The following SHISA6 variants were observed in gnomAD, a reference collection of about 807,000 sequenced individuals.
The protein encoded by SHISA6 is shisa family member 6.
SHISA6 carries 22 observed loss-of-function variants against 47.9 expected under a neutral mutation model. That is an observed-to-expected ratio of 0.46 (90% CI 0.33 to 0.66). SHISA6 has a LOEUF of 0.66. Among genes scored for constraint, SHISA6 ranks in the 30% least tolerant of loss-of-function variants. SHISA6 has a pLI of 0.02. For missense variants in SHISA6, 680 were observed against 764.6 expected (o/e 0.89, Z 1.30); for synonymous variants, 388 against 337.8 (o/e 1.15, Z -1.63).
intron 2 of SHISA6, among the ~76,000 whole-genome samples, chr17:11,356,575 TGGA>T (rs1430338705): frequency 1.3e-5 from 2 of 152,098 alleles, no homozygotes; most frequent in African/African-American, 4.8e-5. Flanking sequence ...CTGACAGCTG[TGGA>T]GGAGTCACAC....
At chr17:11,388,641 C>T (rs557536548) in intron 3 of SHISA6, among the ~76,000 whole-genome samples, 8 of 151,422 alleles carry the variant, frequency 5.3e-5, no homozygotes, top group African/African-American at 1.5e-4. Flanking sequence ...GGAAAATCTG[C>T]GGCATCGGTG....
At chr17:11,251,309 G>C (rs544616056) in intron 1 of SHISA6, among the ~76,000 whole-genome samples, 1 of 152,184 alleles carries the variant, frequency 6.6e-6, no homozygotes, top group South Asian at 2.1e-4. Context: ...CAGGCAGCAA[G>C]ATCCTCAGGG....
intron 3 of SHISA6, among the ~76,000 whole-genome samples, chr17:11,418,428 A>AT (rs1470536280): frequency 6.6e-6 from 1 of 151,362 alleles, no homozygotes; most frequent in East Asian, 1.9e-4. Flanking sequence ...CTTTTTTGTT[A>AT]TTTTTTTCCT....
Position 11,480,753 on chromosome 17 carries a change from G to C in SHISA6, c.896-71143G>C, listed in dbSNP as rs149504072. On this transcript the variant is annotated intron_variant, in intron 3 of 5. Coordinates refer to ENST00000441885, the MANE Select transcript of SHISA6 (RefSeq NM_207386.4). Reference sequence around the variant, plus strand: ...CCTGAGCTCTGTGATGATTAAGCTAGTTGTGTGTAAACTTACACCAACTTA... The same window carrying C: ...CCTGAGCTCTGTGATGATTAAGCTACTTGTGTGTAAACTTACACCAACTTA... 7.6e-3 allele frequency among the ~76,000 whole-genome samples: 1,153 copies of C among 152,310 alleles called. 12 individuals are homozygous for C. Among genetic ancestry groups the C allele is most frequent in the African/African-American group, 0.026 (1,093 of 41,566 alleles).
At chr17:11,479,237 TA>T (rs914982474) in intron 3 of SHISA6, among the ~76,000 whole-genome samples, 2 of 151,570 alleles carry the variant, frequency 1.3e-5, no homozygotes, top group South Asian at 2.1e-4. Flanking sequence ...GACTCCTTCT[TA>T]AAAAAAATAA....
chr17:11,310,279 T>C (rs1910272830), intron 2 of SHISA6, among the ~76,000 whole-genome samples: 1 of 152,216 alleles, frequency 6.6e-6, no homozygotes, highest in Non-Finnish European at 1.5e-5. Flanking sequence ...TCTGTTTACA[T>C]ATGTGTCATA....
intron 2 of SHISA6, among the ~76,000 whole-genome samples, chr17:11,337,117 G>A (rs999493253): frequency 1.3e-5 from 2 of 152,164 alleles, no homozygotes; most frequent in Admixed American, 6.5e-5. Flanking sequence ...AGTGTAGAAT[G>A]TGCCTTATTT....
chr17:11,323,497 A>T (rs963637870), intron 2 of SHISA6, among the ~76,000 whole-genome samples: 2 of 151,966 alleles, frequency 1.3e-5, no homozygotes, highest in Non-Finnish European at 2.9e-5. Flanking sequence ...TCTACTAAAA[A>T]TACAAAATTA....
intron 2 of SHISA6, among the ~76,000 whole-genome samples, chr17:11,305,466 G>A (rs1268211301): frequency 6.6e-6 from 1 of 152,200 alleles, no homozygotes; most frequent in Admixed American, 6.5e-5. Flanking sequence ...GCGGGAGAAG[G>A]GCCCGAGTTC....
At chr17:11,246,716 C>T (rs1907607670) in intron 1 of SHISA6, among the ~76,000 whole-genome samples, 1 of 152,188 alleles carries the variant, frequency 6.6e-6, no homozygotes, top group Non-Finnish European at 1.5e-5. Context: ...TGTCCTGACT[C>T]TTGCAGACAC....
intron 2 of SHISA6, among the ~76,000 whole-genome samples, chr17:11,270,869 G>C (rs1295369230): frequency 1.3e-5 from 2 of 152,156 alleles, no homozygotes; most frequent in Non-Finnish European, 1.5e-5. Context: ...ACAGAGCTGT[G>C]AGCCCAGGAG....
chr17:11,262,792 C>A (rs1378593558), intron 1 of SHISA6, among the ~76,000 whole-genome samples: 2 of 152,212 alleles, frequency 1.3e-5, no homozygotes, highest in Non-Finnish European at 2.9e-5. Flanking sequence ...CTCCAGTTGT[C>A]TTCAATGTCT....
intron 3 of SHISA6, among the ~76,000 whole-genome samples, chr17:11,419,525 T>C (rs1914391733): frequency 6.6e-6 from 1 of 152,166 alleles, no homozygotes; most frequent in Non-Finnish European, 1.5e-5. Flanking sequence ...TTAGATTACG[T>C]TGAGTGAACC....
intron 3 of SHISA6, among the ~76,000 whole-genome samples, chr17:11,406,226 A>C (rs1567597291): frequency 6.6e-6 from 1 of 152,082 alleles, no homozygotes; most frequent in Non-Finnish European, 1.5e-5. Flanking sequence ...TTAACCTCTC[A>C]CTCACACATC....
intron 3 of SHISA6, among the ~76,000 whole-genome samples, chr17:11,388,875 G>A (rs1248174722): frequency 7.3e-6 from 1 of 137,706 alleles, no homozygotes; most frequent in East Asian, 2.2e-4. Context: ...ACCTTTGAGA[G>A]TTTCTCAGTC....
chr17:11,325,647 G>A (rs1403834803), intron 2 of SHISA6, among the ~76,000 whole-genome samples: 1 of 150,482 alleles, frequency 6.6e-6, no homozygotes, highest in African/African-American at 2.4e-5. Flanking sequence ...GTACTTTCAC[G>A]TTTTATAGTC....
At chr17:11,282,974 G>A (rs754543634) in intron 2 of SHISA6, among the ~76,000 whole-genome samples, 4 of 152,212 alleles carry the variant, frequency 2.6e-5, no homozygotes, top group Non-Finnish European at 5.9e-5. Flanking sequence ...CCTGCTGTTT[G>A]TATATGATTT....
chr17:11,327,920 T>C (rs1403178199), intron 2 of SHISA6, among the ~76,000 whole-genome samples: 1 of 151,314 alleles, frequency 6.6e-6, no homozygotes, highest in Non-Finnish European at 1.5e-5. Context: ...TCTCTCTCTC[T>C]GTCTCTCTCT....
rs970587984 is a variant in SHISA6, at chr17:11,497,062, TG to T, written c.896-54828del. ...TTGGACACTGAGCTACACACTGTAG[TG>T]GGGGGACCCCCAGAACCATGTCCTG... On this transcript the variant is annotated intron_variant, in intron 3 of 5. Transcript: ENST00000441885. Among the ~76,000 whole-genome samples, 25 of 152,316 alleles carry T rather than the reference TG, an allele frequency of 1.6e-4. 1 individual carries two copies. The highest frequency in any genetic ancestry group is 6.8e-3 in the Middle Eastern group (2 of 294).
Sources: gnomAD v4.1 joint callset for allele counts (sites outside exome capture counted in the v4.1 genomes callset) on GRCh38, gnomAD v4.1.1 for gene constraint, MANE v1.5 for transcripts, NCBI Gene and HGNC (gene_info 2026-07-23, HGNC 2026-07-21) for gene names.